DTX1: variants seen among roughly 807,000 people sequenced by gnomAD.
The protein encoded by DTX1 is E3 ubiquitin-protein ligase DTX1.
A neutral mutation model predicts 57.8 loss-of-function variants in DTX1; 26 were observed. That is an observed-to-expected ratio of 0.45 (90% CI 0.33 to 0.62). DTX1 has a LOEUF of 0.62. Ranked by LOEUF, DTX1 falls within the 20% of genes least tolerant of loss-of-function variation. DTX1 has a pLI of 0.02. For missense variants in DTX1, 704 were observed against 895.3 expected, an observed-to-expected ratio of 0.79 and a Z score of 2.73; for synonymous variants, 398 against 394.1, an observed-to-expected ratio of 1.01 and a Z score of -0.12.
intron 3 of DTX1, among the ~76,000 whole-genome samples, 180 bp from the exon 4 acceptor site, chr12:113,092,982 C>G (rs542683088): frequency 4.6e-5 from 7 of 152,200 alleles, no homozygotes; most frequent in Non-Finnish European, 8.8e-5. Context: ...TGGCCACCCC[C>G]GCCCCATAAT....
At chr12:113,089,341 G>A (rs897603642) in intron 3 of DTX1, among the ~76,000 whole-genome samples, 4 of 152,182 alleles carry the variant, frequency 2.6e-5, no homozygotes, top group African/African-American at 9.7e-5. Context: ...GCAGAGGACA[G>A]ATGGGATCTG....
intron 3 of DTX1, among the ~76,000 whole-genome samples, chr12:113,079,694 CTGTGTGTGTGTGTGTG>C (rs71086139): frequency 6.1e-4 from 81 of 132,432 alleles, no homozygotes; most frequent in African/African-American, 2.0e-3. Flanking sequence ...TTCCCGGCTA[CTGTGTGTGTGTGTGTG>C]TGTGTGTGTG....
chr12:113,072,491 A>G (rs1159490408), intron 2 of DTX1, among the ~76,000 whole-genome samples: 2 of 152,172 alleles, frequency 1.3e-5, no homozygotes, highest in East Asian at 3.9e-4. Context: ...TGTGGGTAAC[A>G]TATGTAATAT....
rs984512429 is a variant in DTX1 at position 113,096,604 on chromosome 12, C to T, written c.1639-111C>T. 101 of 1,027,748 alleles carry T rather than the reference C, an allele frequency of 9.8e-5. No homozygotes were observed. In the East Asian group the frequency reaches 1.8e-3, roughly 18 times the overall value. 63.7% of individuals were successfully genotyped at this position (1,027,748 alleles called of 1,614,324 possible). ...GCAGTACGTAGTTGGTGCTAATGGA[C>T]GAAGCCATAAGGTAGCCATGATGTG... On this transcript the variant is annotated intron_variant, in intron 9 of 9. Coordinates refer to ENST00000548759, the MANE Select transcript of DTX1 (RefSeq NM_004416.3).
chr12:113,057,069 G>A (rs2044629040), intron 1 of DTX1, 125 bp downstream of exon 1: 1 of 152,180 alleles, frequency 6.6e-6, no homozygotes, highest in Admixed American at 6.5e-5. Flanking sequence ...AGACGATCCA[G>A]CTCCTGGCTT....
At chr12:113,087,479 G>A (rs888948129) in intron 3 of DTX1, among the ~76,000 whole-genome samples, 2 of 152,054 alleles carry the variant, frequency 1.3e-5, no homozygotes, top group Admixed American at 1.3e-4. Flanking sequence ...CCCAGGCTGT[G>A]TTCCCCAGGA....
chr12:113,058,130 C>T lies in DTX1; in HGVS notation c.-63C>T. The T allele has an allele frequency of 6.7e-7, 1 of 1,492,566 alleles. No homozygotes were observed. Among genetic ancestry groups the T allele is most frequent in the Non-Finnish European group, 8.9e-7 (1 of 1,122,330 alleles). 92.5% of individuals were successfully genotyped at this position (1,492,566 alleles called of 1,614,324 possible). A position where few individuals can be genotyped will look rare whatever the true frequency, so the allele number is the denominator to read the frequency against. On this transcript the variant is annotated 5_prime_UTR_variant, in exon 2 of 10. Coordinates refer to ENST00000548759, the MANE Select transcript of DTX1 (RefSeq NM_004416.3). ...GGAGAGAGGAAGTTGCCGCCTGCTG[C>T]CAGGCCCAGGAGGAGCTGGGCCTGC...
At position 113,095,419 on chromosome 12, in the gene DTX1, G is replaced by A; in HGVS notation, c.1638+5G>A. 3 of 1,614,138 alleles carry A rather than the reference G, an allele frequency of 1.9e-6. No homozygotes were observed. The highest frequency in any genetic ancestry group is 2.2e-5 in the South Asian group (2 of 91,086). On this transcript the variant is annotated splice_donor_5th_base_variant and intron_variant, in intron 9 of 9. Transcript: ENST00000548759. ...AACAACGAGAAAGGCCGGAAGGTGG[G>A]TGCCCAGCCGTGAGGGCATGGGAGA... is the stretch of plus-strand genomic sequence containing the variant.
intron 3 of DTX1, among the ~76,000 whole-genome samples, chr12:113,088,516 A>T (rs1300703567): frequency 6.6e-6 from 1 of 152,250 alleles, no homozygotes; most frequent in Non-Finnish European, 1.5e-5. Context: ...GTAAATGATG[A>T]GTTAATGGGC....
intron 9 of DTX1, 189 bp downstream of exon 9, chr12:113,095,603 T>C (rs1566022341): frequency 1.4e-6 from 1 of 696,354 alleles, no homozygotes; most frequent in South Asian, 1.9e-5. Flanking sequence ...GCCACTGAGG[T>C]CAAGATCCTG....
chr12:113,072,696 CTTTTT>C (rs60642403), intron 2 of DTX1, among the ~76,000 whole-genome samples: 6 of 71,110 alleles, frequency 8.4e-5, no homozygotes, highest in African/African-American at 2.6e-4. Context: ...GAGAGATTTT[CTTTTT>C]TTTTTTTTTT....
At chr12:113,079,374 C>A (rs529379274) in intron 3 of DTX1, among the ~76,000 whole-genome samples, 1 of 152,140 alleles carries the variant, frequency 6.6e-6, no homozygotes, top group Admixed American at 6.5e-5. Context: ...GGGGTCACTG[C>A]ATCCAGCTCA....
intron 2 of DTX1, among the ~76,000 whole-genome samples, chr12:113,072,659 G>GT (rs1033099408): frequency 3.3e-5 from 5 of 149,328 alleles, no homozygotes; most frequent in Admixed American, 3.3e-4. Context: ...GCTATGTGTG[G>GT]TACCAGCCAG....
intron 2 of DTX1, 69 bp downstream of exon 2, chr12:113,058,520 A>G (rs2044646451): frequency 6.5e-7 from 1 of 1,528,630 alleles, no homozygotes; most frequent in Admixed American, 1.9e-5. Context: ...TAGGATGCTG[A>G]AAATCCCAGT....
At chr12:113,071,908 T>A (rs1419510195) in intron 2 of DTX1, among the ~76,000 whole-genome samples, 1 of 152,206 alleles carries the variant, frequency 6.6e-6, no homozygotes, top group Non-Finnish European at 1.5e-5. Context: ...CAGCCTTTAA[T>A]AACTACCAGT....
At chr12:113,060,920 G>T (rs2044659728) in intron 2 of DTX1, among the ~76,000 whole-genome samples, 1 of 152,144 alleles carries the variant, frequency 6.6e-6, no homozygotes, top group African/African-American at 2.4e-5. Flanking sequence ...GGTATGGGCG[G>T]CAGGGTCCTT....
intron 9 of DTX1, chr12:113,095,666 CTG>C: frequency 2.0e-6 from 1 of 505,178 alleles, no homozygotes; most frequent in Admixed American, 3.2e-5. Context: ...AGTCACTTGA[CTG>C]TGGTCACAGA....
rs7296817 is a variant in DTX1 at position 113,079,330 on chromosome 12, A to C, written c.941+1225A>C. 5.9e-3 allele frequency among the ~76,000 whole-genome samples: 901 copies of C among 152,186 alleles called. 15 individuals are homozygous for C. Among genetic ancestry groups the C allele is most frequent in the South Asian group, 0.033 (158 of 4,820 alleles). ...CGGGGGAATTGATAATGATGGTCCG[A>C]GATCACCAAAGCTCAGATCTGGATG... On this transcript the variant is annotated intron_variant, in intron 3 of 9. Coordinates refer to ENST00000548759, the MANE Select transcript of DTX1 (RefSeq NM_004416.3).
intron 3 of DTX1, among the ~76,000 whole-genome samples, chr12:113,091,397 C>T (rs1950245912): frequency 6.6e-6 from 1 of 152,038 alleles, no homozygotes; most frequent in Admixed American, 6.6e-5. Flanking sequence ...GCGGTATGTT[C>T]CCCAAGTAGA....
Sources: gnomAD v4.1 joint callset for allele counts (sites outside exome capture counted in the v4.1 genomes callset) on GRCh38, gnomAD v4.1.1 for gene constraint, MANE v1.5 for transcripts, NCBI Gene and HGNC (gene_info 2026-07-23, HGNC 2026-07-21) for gene names.